MEGF11: variants seen among roughly 807,000 people sequenced by gnomAD.
MEGF11 encodes multiple epidermal growth factor-like domains protein 11.
Under a neutral mutation model 146.6 loss-of-function variants are expected in MEGF11, and 126 were observed. That is an observed-to-expected ratio of 0.86 (90% CI 0.74 to 1.00). MEGF11 has a LOEUF of 1.00. Ranked by LOEUF, MEGF11 falls within the 50% of genes least tolerant of loss-of-function variation. The pLI, the probability that MEGF11 is intolerant of heterozygous loss-of-function variation, is 0.00. For synonymous variants in MEGF11, 532 were observed against 583.4 expected (o/e 0.91, Z 1.27); for missense variants, 1,509 against 1,521.2 (o/e 0.99, Z 0.13).
chr15:66,037,585 C>G (rs907142349), intron 5 of MEGF11, among the ~76,000 whole-genome samples: 1 of 152,160 alleles, frequency 6.6e-6, no homozygotes, highest in African/African-American at 2.4e-5. Flanking sequence ...GGAAATTCTC[C>G]TGGTCCCATC....
At position 66,148,038 on chromosome 15, in the gene MEGF11, G is replaced by A. The variant is rs183612194; in HGVS notation, c.-8-19627C>T. Among the ~76,000 whole-genome samples the A allele has an allele frequency of 1.1e-4, 16 of 152,294 alleles. No homozygotes were observed. In the East Asian group the frequency reaches 1.4e-3, roughly 13 times the overall value. On this transcript the variant is annotated intron_variant, in intron 1 of 25. Coordinates refer to ENST00000395614, the MANE Select transcript of MEGF11 (RefSeq NM_001385028.1). The stretch of plus-strand genomic sequence containing the variant: ...CTTGGAGGGACTGCCAGGAGGTACC[G>A]GAGAGGGGGAAAAGGCCGAAGCCAT...
chr15:66,134,402 A>C (rs979836739), intron 1 of MEGF11, among the ~76,000 whole-genome samples: 4 of 151,842 alleles, frequency 2.6e-5, no homozygotes, highest in African/African-American at 9.7e-5. Flanking sequence ...CCATCTTTCC[A>C]TTTCTTTGCA....
At chr15:66,205,794 C>T (rs886106801) in intron 1 of MEGF11, among the ~76,000 whole-genome samples, 4 of 152,208 alleles carry the variant, frequency 2.6e-5, no homozygotes, top group South Asian at 2.1e-4. Context: ...AGCCCCACCT[C>T]CTTCCCCTGC....
At chr15:66,204,043 G>A (rs1245176489) in intron 1 of MEGF11, among the ~76,000 whole-genome samples, 1 of 151,478 alleles carries the variant, frequency 6.6e-6, no homozygotes, top group African/African-American at 2.4e-5. Context: ...AGGTGTTTGA[G>A]ACTAGCCTGG....
intron 1 of MEGF11, among the ~76,000 whole-genome samples, chr15:66,135,617 C>T (rs1267128389): frequency 6.6e-6 from 1 of 152,190 alleles, no homozygotes; most frequent in Non-Finnish European, 1.5e-5. Context: ...GGTATTGATG[C>T]TAATGTCCCA....
intron 5 of MEGF11, among the ~76,000 whole-genome samples, chr15:66,039,686 G>A (rs1398030693): frequency 6.6e-6 from 1 of 152,168 alleles, no homozygotes; most frequent in Non-Finnish European, 1.5e-5. Context: ...TAGGAAGCCT[G>A]GACTGTCTCA....
chr15:66,170,596 A>G (rs2090222877), intron 1 of MEGF11, among the ~76,000 whole-genome samples: 1 of 152,174 alleles, frequency 6.6e-6, no homozygotes, highest in South Asian at 2.1e-4. Flanking sequence ...AAGTGAGTTG[A>G]GTAAGATAAT....
intron 1 of MEGF11, among the ~76,000 whole-genome samples, chr15:66,247,564 C>T (rs2092312439): frequency 6.6e-6 from 1 of 152,114 alleles, no homozygotes; most frequent in South Asian, 2.1e-4. Context: ...CTCTGAGGCC[C>T]AATACACAAA....
chr15:66,019,022 T>C (rs943970616), intron 5 of MEGF11, among the ~76,000 whole-genome samples: 2 of 152,194 alleles, frequency 1.3e-5, no homozygotes, highest in Non-Finnish European at 2.9e-5. Flanking sequence ...CATCTGACAG[T>C]GAGGCCCATC....
intron 1 of MEGF11, among the ~76,000 whole-genome samples, chr15:66,225,123 C>T (rs74019528): frequency 0.022 from 3,304 of 152,364 alleles, 125 homozygotes; most frequent in African/African-American, 0.076. Flanking sequence ...CAGAAGGGCC[C>T]GGCCCTGCCA....
chr15:66,172,178 G>T (rs1416910483), intron 1 of MEGF11, among the ~76,000 whole-genome samples: 1 of 152,224 alleles, frequency 6.6e-6, no homozygotes, highest in Non-Finnish European at 1.5e-5. Flanking sequence ...TGCTCGGCAG[G>T]AGAATGACCA....
At chr15:65,912,502 A>G (rs963199693) in intron 20 of MEGF11, 13 of 210,202 alleles carry the variant, frequency 6.2e-5, no homozygotes, top group East Asian at 9.5e-5. Context: ...ATAGCCTTAC[A>G]TGTCCCTGAG....
intron 2 of MEGF11, 114 bp downstream of exon 2, chr15:66,128,192 G>T: frequency 1.7e-6 from 1 of 579,546 alleles, no homozygotes; most frequent in Non-Finnish European, 2.8e-6. Context: ...TCCCCAGCCA[G>T]GCTGCAGACC....
intron 1 of MEGF11, among the ~76,000 whole-genome samples, chr15:66,224,645 TTATA>T (rs934267450): frequency 8.3e-5 from 12 of 144,952 alleles, no homozygotes; most frequent in Non-Finnish European, 1.7e-4. Flanking sequence ...ACTTATTATA[TTATA>T]TATTTATATA....
At chr15:66,194,469 G>A (rs1329741624) in intron 1 of MEGF11, among the ~76,000 whole-genome samples, 1 of 152,138 alleles carries the variant, frequency 6.6e-6, no homozygotes, top group Non-Finnish European at 1.5e-5. Context: ...TTATCCGGGT[G>A]TGGTGGCACA....
At chr15:66,137,579 C>T (rs1444999413) in intron 1 of MEGF11, among the ~76,000 whole-genome samples, 1 of 137,080 alleles carries the variant, frequency 7.3e-6, no homozygotes, top group Non-Finnish European at 1.6e-5. Context: ...TTTTTTGAGA[C>T]AGCATCTCTG....
intron 3 of MEGF11, among the ~76,000 whole-genome samples, chr15:66,122,489 A>C (rs2088081784): frequency 6.6e-6 from 1 of 152,228 alleles, no homozygotes; most frequent in East Asian, 1.9e-4. Flanking sequence ...TGATTCCTGA[A>C]TTATCCTCAA....
At chr15:66,209,205 CCGGG>C (rs1425022567) in intron 1 of MEGF11, among the ~76,000 whole-genome samples, 1 of 152,046 alleles carries the variant, frequency 6.6e-6, no homozygotes, top group Non-Finnish European at 1.5e-5. Context: ...AAAAAATTAG[CCGGG>C]CGTGGTGGCG....
chr15:66,025,906 T>A (rs1385136502), intron 5 of MEGF11, among the ~76,000 whole-genome samples: 1 of 152,146 alleles, frequency 6.6e-6, no homozygotes, highest in Non-Finnish European at 1.5e-5. Flanking sequence ...GCCTCCCAAC[T>A]GCACAGCACA....
Sources: allele counts gnomAD v4.1 joint callset (sites outside exome capture counted in the v4.1 genomes callset), GRCh38; gene constraint gnomAD v4.1.1; transcripts MANE v1.5; gene names NCBI Gene and HGNC (gene_info 2026-07-23, HGNC 2026-07-21).